The following SHROOM3 variants were observed in gnomAD, a reference collection of about 807,000 sequenced individuals.
SHROOM3 encodes the protein protein Shroom3.
A neutral mutation model predicts 138.6 loss-of-function variants in SHROOM3; 47 were observed. The observed-to-expected ratio is 0.34, with a 90% confidence interval of 0.27 to 0.43. The LOEUF is 0.43. SHROOM3 is among the 20% of genes least tolerant of loss of function. SHROOM3 has a pLI of 1.00. For missense variants in SHROOM3, 2,491 were observed against 2,596.5 expected (o/e 0.96, Z 0.88); for synonymous variants, 1,062 against 1,063.3 (o/e 1.00, Z 0.02).
chr4:76,703,457 A>T (rs1171626395), intron 2 of SHROOM3, among the ~76,000 whole-genome samples: 1 of 152,198 alleles, frequency 6.6e-6, no homozygotes, highest in Non-Finnish European at 1.5e-5. Context: ...ACGGCTGATC[A>T]ATGGTCAGTT....
At chr4:76,557,427 A>T (rs960496132) in intron 2 of SHROOM3, among the ~76,000 whole-genome samples, 1 of 152,308 alleles carries the variant, frequency 6.6e-6, no homozygotes, top group East Asian at 1.9e-4. Context: ...ACTCACAGAA[A>T]CAGAGAGTAG....
chr4:76,558,307 A>C (rs2110031135), intron 2 of SHROOM3, among the ~76,000 whole-genome samples: 1 of 152,346 alleles, frequency 6.6e-6, no homozygotes, highest in African/African-American at 2.4e-5. Context: ...GGGCTCTCTA[A>C]GCCCCAGTTT....
chr4:76,601,197 G>A (rs960892918), intron 2 of SHROOM3, among the ~76,000 whole-genome samples: 1 of 152,162 alleles, frequency 6.6e-6, no homozygotes, highest in Non-Finnish European at 1.5e-5. Flanking sequence ...AGCTAGAGGC[G>A]ATTTCCCTCC....
At chr4:76,764,828 A>G (rs1185289166) in intron 9 of SHROOM3, among the ~76,000 whole-genome samples, 2 of 152,062 alleles carry the variant, frequency 1.3e-5, no homozygotes, top group Non-Finnish European at 2.9e-5. Flanking sequence ...CTTTGAGTTG[A>G]TCGTATTTGG....
intron 1 of SHROOM3, among the ~76,000 whole-genome samples, chr4:76,513,630 A>G (rs1229045298): frequency 1.3e-5 from 2 of 152,066 alleles, no homozygotes; most frequent in Non-Finnish European, 2.9e-5. Flanking sequence ...TAATACTTCT[A>G]TCTCACTGAT....
At chr4:76,759,480 T>C in intron 8 of SHROOM3, 65 bp from the exon 9 acceptor site, 2 of 1,597,736 alleles carry the variant, frequency 1.3e-6, no homozygotes, top group Non-Finnish European at 1.7e-6. Flanking sequence ...TGGACTGACA[T>C]CTGCAGTGAA....
At chr4:76,569,568 T>G (rs963697659) in intron 2 of SHROOM3, among the ~76,000 whole-genome samples, 1 of 152,184 alleles carries the variant, frequency 6.6e-6, no homozygotes, top group African/African-American at 2.4e-5. Flanking sequence ...TGCCTTAATC[T>G]TATATTTTCT....
At position 76,768,752 on chromosome 4, in the gene SHROOM3, G is replaced by C. The variant is rs373280634; in HGVS notation, c.5350-1874G>C. Among the ~76,000 whole-genome samples the C allele has an allele frequency of 4.6e-5, 7 of 152,272 alleles. No individual in the cohort carries two copies. The South Asian group carries it at 6.2e-4, about 14-fold the overall frequency. ...TTGTCTCAAACTCCTGACCACAGGT[G>C]ATCCGCCCACCTCAGCCTCCCAAAG... On this transcript the variant is annotated intron_variant, in intron 9 of 10. Coordinates refer to ENST00000296043, the MANE Select transcript of SHROOM3 (RefSeq NM_020859.4).
intron 4 of SHROOM3, among the ~76,000 whole-genome samples, chr4:76,735,839 TAAAAAAAAAAAAA>T (rs1170202101): frequency 2.5e-4 from 19 of 75,830 alleles, no homozygotes; most frequent in African/African-American, 8.9e-4. Context: ...GACTCTATCT[TAAAAAAAAAAAAA>T]AAAAAAAAAA....
At chr4:76,673,721 C>T (rs552813283) in intron 2 of SHROOM3, among the ~76,000 whole-genome samples, 4 of 152,326 alleles carry the variant, frequency 2.6e-5, no homozygotes, top group African/African-American at 9.6e-5. Context: ...TTACCACCTT[C>T]ACCACTTATA....
chr4:76,706,820 T>G (rs1265854402), intron 2 of SHROOM3, among the ~76,000 whole-genome samples: 1 of 152,186 alleles, frequency 6.6e-6, no homozygotes, highest in Non-Finnish European at 1.5e-5. Flanking sequence ...CCAGTGTGAA[T>G]TGCACTTTGA....
chr4:76,736,169 C>T (rs879453013), intron 4 of SHROOM3, among the ~76,000 whole-genome samples: 2 of 151,956 alleles, frequency 1.3e-5, no homozygotes, highest in Non-Finnish European at 2.9e-5. Context: ...GGATTATCCA[C>T]AAGGCTGTCT....
In SHROOM3 at chr4:76,741,852, G is replaced by A; in HGVS notation, c.3679G>A (p.Glu1227Lys). ...GTCCATGTCGGCCGAGGACCTGCTG[G>A]AACGCTCGGACGTCCTTGCGGGCCC... ...GKSMSAEDLLERSDVLAGPVH... is the reference protein window; with the variant it reads ...GKSMSAEDLLKRSDVLAGPVH... Residue 1227 changes from glutamate (E) to lysine (K), a missense_variant, in exon 5 of 11, where the codon GAA (glutamate) becomes AAA (lysine). Glu to Lys is a moderately conservative substitution (Grantham distance 56). This residue lies in a region of SHROOM3 where 1,733 missense variants were observed against 1,661.6 expected (regional missense o/e 1.04). Transcript: ENST00000296043. The surrounding 1 kb of genome is among the most constrained non-coding windows in gnomAD (Gnocchi z 6.2). The A allele has an allele frequency of 6.2e-7, 1 of 1,609,420 alleles. No individual in the cohort carries two copies. The highest frequency in any genetic ancestry group is 8.5e-7 in the Non-Finnish European group (1 of 1,178,816).
At chr4:76,670,957 A>C (rs1302683311) in intron 2 of SHROOM3, among the ~76,000 whole-genome samples, 1 of 152,108 alleles carries the variant, frequency 6.6e-6, no homozygotes, top group African/African-American at 2.4e-5. Flanking sequence ...AAAATAAATA[A>C]ATAAATAAAA....
intron 2 of SHROOM3, among the ~76,000 whole-genome samples, chr4:76,696,298 C>T (rs1719726372): frequency 6.6e-6 from 1 of 152,116 alleles, no homozygotes; most frequent in Non-Finnish European, 1.5e-5. Flanking sequence ...CACCATCGCC[C>T]CCAGCCTCTT....
At chr4:76,597,313 T>TA (rs1246715597) in intron 2 of SHROOM3, among the ~76,000 whole-genome samples, 50 of 152,092 alleles carry the variant, frequency 3.3e-4, no homozygotes, top group African/African-American at 1.2e-3. Context: ...GAGGAGTGAG[T>TA]GACTAGGAGA....
At position 76,759,523 on chromosome 4, in the gene SHROOM3, C is replaced by CTT. The variant is rs778721032; in HGVS notation, c.5199-20_5199-19dup. 5.6e-6 allele frequency: 9 copies of CTT among 1,613,698 alleles called. No homozygotes were observed. The Admixed American group carries it at 1.3e-4, about 24-fold the overall frequency. ...CTCTGGCGTGATCTGTGTGGCTATA[C>CTT]TTTGTGCTCTTTTTGGCCCAGGAAT... On this transcript the variant is annotated intron_variant, in intron 8 of 10. Coordinates refer to ENST00000296043, the MANE Select transcript of SHROOM3 (RefSeq NM_020859.4).
intron 2 of SHROOM3, among the ~76,000 whole-genome samples, chr4:76,643,961 C>T (rs555014130): frequency 3.8e-4 from 58 of 152,002 alleles, no homozygotes; most frequent in Middle Eastern, 3.4e-3. Flanking sequence ...TCTCCTGCCT[C>T]GGCCTCCAAA....
At chr4:76,711,017 G>A (rs561851333) in intron 3 of SHROOM3, among the ~76,000 whole-genome samples, 63 of 152,302 alleles carry the variant, frequency 4.1e-4, no homozygotes, top group Middle Eastern at 3.4e-3. Context: ...AAAGCACTCA[G>A]CACACAGCCC....
Sources: gnomAD v4.1 joint callset for allele counts (sites outside exome capture counted in the v4.1 genomes callset) on GRCh38, gnomAD v4.1.1 for gene constraint, gnomAD v4.1.1 regional missense constraint, Gnocchi (gnomAD v3.1) non-coding constraint, MANE v1.5 for transcripts, NCBI Gene and HGNC (gene_info 2026-07-23, HGNC 2026-07-21) for gene names.